Variants in FOXP2 observed in about 807,000 individuals in gnomAD.
The protein encoded by FOXP2 is forkhead box P2.
A neutral mutation model predicts 115.8 loss-of-function variants in FOXP2; 12 were observed. That is an observed-to-expected ratio of 0.10 (90% CI 0.07 to 0.17). The LOEUF is 0.17. FOXP2 is among the 10% of genes least tolerant of loss of function. The pLI is 1.00. For missense variants in FOXP2, 629 were observed against 843.5 expected, an observed-to-expected ratio of 0.75 and a Z score of 3.15; for synonymous variants, 328 against 297.7, an observed-to-expected ratio of 1.10 and a Z score of -1.05.
intron 1 of FOXP2, among the ~76,000 whole-genome samples, chr7:114,416,736 G>C (rs529399279): frequency 6.6e-6 from 1 of 151,926 alleles, no homozygotes; most frequent in Non-Finnish European, 1.5e-5. Context: ...TGCTGTACAA[G>C]TTTGGAAACA....
At chr7:114,430,978 C>T (rs367924399) in intron 2 of FOXP2, among the ~76,000 whole-genome samples, 4 of 151,834 alleles carry the variant, frequency 2.6e-5, no homozygotes, top group East Asian at 1.9e-4. Context: ...TTTCTATTAA[C>T]ACTTTTTTCA....
At chr7:114,546,053 G>T (rs1799909236) in intron 3 of FOXP2, among the ~76,000 whole-genome samples, 1 of 152,054 alleles carries the variant, frequency 6.6e-6, no homozygotes, top group East Asian at 1.9e-4. Context: ...GCCCATCATA[G>T]GTTTTCCATA....
chr7:114,253,599 A>C (rs1010512429), intron 1 of FOXP2, among the ~76,000 whole-genome samples: 14 of 152,062 alleles, frequency 9.2e-5, no homozygotes, highest in African/African-American at 3.4e-4. Context: ...GTTTTATCAG[A>C]GACTAGGATT....
chr7:114,268,626 A>C (rs1795957611), intron 1 of FOXP2, among the ~76,000 whole-genome samples: 1 of 151,994 alleles, frequency 6.6e-6, no homozygotes, highest in Admixed American at 6.6e-5. Context: ...TGATGTTCTC[A>C]AAGTGTTGTT....
intron 1 of FOXP2, among the ~76,000 whole-genome samples, chr7:114,106,216 A>T (rs1791111228): frequency 6.6e-6 from 1 of 152,074 alleles, no homozygotes. Flanking sequence ...AATATAGACA[A>T]AATAACTATA....
intron 2 of FOXP2, among the ~76,000 whole-genome samples, chr7:114,409,198 G>T (rs1793107603): frequency 6.6e-6 from 1 of 152,028 alleles, no homozygotes; most frequent in South Asian, 2.1e-4. Context: ...GCAATTAAAT[G>T]ATTAAACTTG....
chr7:114,112,590 G>C (rs1323602993), intron 1 of FOXP2, among the ~76,000 whole-genome samples: 2 of 152,056 alleles, frequency 1.3e-5, no homozygotes, highest in African/African-American at 2.4e-5. Context: ...GTGAGTCACT[G>C]TTCCTGGCCT....
intron 2 of FOXP2, 125 bp from the exon 3 acceptor site, chr7:114,534,492 A>T (rs1475263791): frequency 3.6e-6 from 3 of 830,024 alleles, no homozygotes; most frequent in Non-Finnish European, 6.2e-6. Context: ...ATAAACAACA[A>T]TGATTCTCTC....
In FOXP2 at chr7:114,597,001, A is replaced by G. The variant is rs756002998; in HGVS notation, c.259-31539A>G. On this transcript the variant is annotated intron_variant, in intron 3 of 16. Transcript: ENST00000350908. ...AGCAGACCATTTTCTTTGTTAATCAAAAATAATTCAGAATTATTATAATTC... is the reference window on the plus strand; with the variant it reads ...AGCAGACCATTTTCTTTGTTAATCAGAAATAATTCAGAATTATTATAATTC... 5.9e-4 allele frequency among the ~76,000 whole-genome samples: 90 copies of G among 152,116 alleles called. 1 individual carries two copies. Among genetic ancestry groups the G allele is most frequent in the Admixed American group, 2.0e-4 (3 of 15,244 alleles).
At chr7:114,389,544 C>CT (rs888129410) in intron 2 of FOXP2, among the ~76,000 whole-genome samples, 2 of 151,950 alleles carry the variant, frequency 1.3e-5, no homozygotes, top group African/African-American at 2.4e-5. Flanking sequence ...AAACATAGGA[C>CT]TTTTTTTTCA....
At chr7:114,467,220 C>T (rs1041083356) in intron 2 of FOXP2, among the ~76,000 whole-genome samples, 1 of 152,082 alleles carries the variant, frequency 6.6e-6, no homozygotes, top group Non-Finnish European at 1.5e-5. Flanking sequence ...TTATGCTTGG[C>T]TACTACTAGA....
At chr7:114,132,687 G>C (rs1005594312) in intron 1 of FOXP2, among the ~76,000 whole-genome samples, 2 of 150,568 alleles carry the variant, frequency 1.3e-5, no homozygotes, top group African/African-American at 4.9e-5. Flanking sequence ...CTTGTGCAAA[G>C]ATCTAAAATC....
At chr7:114,447,349 A>C (rs932767800) in intron 2 of FOXP2, among the ~76,000 whole-genome samples, 2 of 151,958 alleles carry the variant, frequency 1.3e-5, no homozygotes, top group African/African-American at 4.8e-5. Context: ...TTTCTGGGTA[A>C]GCACCCAGAA....
intron 1 of FOXP2, among the ~76,000 whole-genome samples, chr7:114,230,671 C>A (rs1454452629): frequency 1.3e-5 from 2 of 151,744 alleles, no homozygotes; most frequent in Non-Finnish European, 2.9e-5. Flanking sequence ...AAATTTAACA[C>A]CCTTTTACAA....
At chr7:114,469,286 C>T (rs1795941988) in intron 2 of FOXP2, among the ~76,000 whole-genome samples, 1 of 152,088 alleles carries the variant, frequency 6.6e-6, no homozygotes, top group African/African-American at 2.4e-5. Context: ...CACACAATAT[C>T]CTATGTCATA....
chr7:114,308,320 A>G (rs1215730240), intron 2 of FOXP2, among the ~76,000 whole-genome samples: 2 of 152,188 alleles, frequency 1.3e-5, no homozygotes, highest in Non-Finnish European at 2.9e-5. Context: ...GATTATATCA[A>G]TCCAACTAAA....
chr7:114,306,244 G>A (rs941328712), intron 2 of FOXP2, among the ~76,000 whole-genome samples: 2 of 152,074 alleles, frequency 1.3e-5, no homozygotes, highest in Non-Finnish European at 2.9e-5. Flanking sequence ...CTCTTAGAGC[G>A]AAAGGACTAT....
chr7:114,299,127 T>A (rs1008486353), intron 2 of FOXP2, among the ~76,000 whole-genome samples: 1 of 152,100 alleles, frequency 6.6e-6, no homozygotes, highest in African/African-American at 2.4e-5. Flanking sequence ...AAAACTTAAT[T>A]TGCAATCTTA....
chr7:114,308,229 C>T (rs566216144), intron 2 of FOXP2, among the ~76,000 whole-genome samples: 15 of 151,964 alleles, frequency 9.9e-5, no homozygotes, highest in African/African-American at 3.1e-4. Context: ...TATGATAAAC[C>T]CACCTTGGTC....
Sources: allele counts gnomAD v4.1 joint callset (sites outside exome capture counted in the v4.1 genomes callset), GRCh38; gene constraint gnomAD v4.1.1; transcripts MANE v1.5; gene names NCBI Gene and HGNC (gene_info 2026-07-23, HGNC 2026-07-21).